The following FANK1 variants were observed in gnomAD, a reference collection of about 807,000 sequenced individuals.
FANK1 encodes fibronectin type III and ankyrin repeat domains 1.
In FANK1, 44 loss-of-function variants were observed where a neutral mutation model predicts 45.3. The observed-to-expected ratio is 0.97, with a 90% CI of 0.76 to 1.25. FANK1 has a LOEUF of 1.25. Ranked by LOEUF, FANK1 falls within the 50% of genes most tolerant of loss-of-function variation. The pLI, the probability that FANK1 is intolerant of heterozygous loss-of-function variation, is 0.00. For missense variants in FANK1, 391 were observed against 424.4 expected (o/e 0.92, Z 0.69); for synonymous variants, 149 against 152.5 (o/e 0.98, Z 0.17).
rs144162279 is a variant in FANK1 at position 125,953,917 on chromosome 10, C to T, written c.14-26244C>T. 5.6e-4 allele frequency among the ~76,000 whole-genome samples: 85 copies of T among 152,226 alleles called. 1 individual carries two copies. Among genetic ancestry groups the T allele is most frequent in the Non-Finnish European group, 8.4e-4 (57 of 68,020 alleles). ...ATCTTTTGGAAGTAAAGCTCAGAGTCGCAAAGAAAATGAGCACTTAAAGGA... is the reference window on the plus strand; with the variant it reads ...ATCTTTTGGAAGTAAAGCTCAGAGTTGCAAAGAAAATGAGCACTTAAAGGA... On this transcript the variant is annotated intron_variant, in intron 1 of 10. Transcript: ENST00000368693.
At chr10:125,952,454 C>A (rs1949300522) in intron 1 of FANK1, among the ~76,000 whole-genome samples, 1 of 152,038 alleles carries the variant, frequency 6.6e-6, no homozygotes, top group Non-Finnish European at 1.5e-5. Flanking sequence ...CAGATTTCAT[C>A]TGAATAAAGC....
At chr10:125,898,779 A>C (rs1413597409) in intron 1 of FANK1, among the ~76,000 whole-genome samples, 1 of 152,198 alleles carries the variant, frequency 6.6e-6, no homozygotes, top group East Asian at 1.9e-4. Context: ...TTTGAGGTGG[A>C]AAATATTTAA....
intron 1 of FANK1, among the ~76,000 whole-genome samples, chr10:125,970,565 C>T (rs145133638): frequency 0.012 from 1,833 of 152,316 alleles, 28 homozygotes; most frequent in African/African-American, 0.041. Context: ...GCAATCCCGG[C>T]GCCTCGGGAG....
chr10:125,990,596 G>A (rs1022643497), intron 3 of FANK1, among the ~76,000 whole-genome samples: 1 of 152,158 alleles, frequency 6.6e-6, no homozygotes, highest in African/African-American at 2.4e-5. Flanking sequence ...GCCTTCCATT[G>A]TGGGCTTCAG....
chr10:125,976,282 A>T (rs75226794), intron 1 of FANK1, among the ~76,000 whole-genome samples: 2,693 of 152,248 alleles, frequency 0.018, 87 homozygotes, highest in East Asian at 0.14. Flanking sequence ...CCTGACAATT[A>T]TGTGTCTTGA....
chr10:126,000,852 A>G (rs893234455), intron 6 of FANK1, among the ~76,000 whole-genome samples: 1 of 152,212 alleles, frequency 6.6e-6, no homozygotes, highest in Non-Finnish European at 1.5e-5. Context: ...GCCTCCACAC[A>G]CAGTAGAAAA....
At chr10:125,986,712 C>A (rs1951582973) in intron 2 of FANK1, among the ~76,000 whole-genome samples, 2 of 152,320 alleles carry the variant, frequency 1.3e-5, no homozygotes, top group South Asian at 4.1e-4. Flanking sequence ...ATCAGAGATA[C>A]CTCAACCAGA....
chr10:125,957,846 A>G (rs571319857), intron 1 of FANK1, among the ~76,000 whole-genome samples: 2 of 152,128 alleles, frequency 1.3e-5, no homozygotes, highest in South Asian at 2.1e-4. Context: ...TTTTAAAGAT[A>G]ATGTCACTAG....
At chr10:125,925,917 T>G (rs1285312734) in intron 1 of FANK1, among the ~76,000 whole-genome samples, 1 of 152,240 alleles carries the variant, frequency 6.6e-6, no homozygotes, top group Non-Finnish European at 1.5e-5. Flanking sequence ...TTTGTCACTT[T>G]CTATTTATCC....
rs142716284 is a variant in FANK1, at chr10:125,919,195, ATTTTTTTTTTTT to A, written c.13+22557_13+22568del. ...AGTAAAATACTTCCAGGAGGTAAGA[ATTTTTTTTTTTT>A]TTTTTTTTTTTTTTTTGTGACAGAG... On this transcript the variant is annotated intron_variant, in intron 1 of 10. Coordinates refer to ENST00000368693, the MANE Select transcript of FANK1 (RefSeq NM_145235.5). Among the ~76,000 whole-genome samples, 331 of 51,450 alleles carry A rather than the reference ATTTTTTTTTTTT, an allele frequency of 6.4e-3. 2 individuals are homozygous for A. Among genetic ancestry groups the A allele is most frequent in the African/African-American group, 0.013 (168 of 12,668 alleles). 33.8% of individuals were successfully genotyped at this position (51,450 alleles called of 152,430 possible).
chr10:125,914,293 T>TATATATATATATATA, intron 1 of FANK1, among the ~76,000 whole-genome samples: 1 of 74,672 alleles, frequency 1.3e-5, no homozygotes, highest in African/African-American at 6.1e-5. Flanking sequence ...ATATATATAT[T>TATATATATATATATA]TAAAAAGTCT....
chr10:125,972,704 T>C (rs898453821), intron 1 of FANK1: 4 of 152,292 alleles, frequency 2.6e-5, no homozygotes, highest in Admixed American at 2.6e-4. Flanking sequence ...GTAAAGAAGA[T>C]GCAGGAACAT....
intron 1 of FANK1, among the ~76,000 whole-genome samples, chr10:125,914,872 G>A (rs1475814135): frequency 1.3e-5 from 2 of 151,892 alleles, no homozygotes; most frequent in African/African-American, 4.8e-5. Flanking sequence ...TAGGTGCGGA[G>A]GGGATGACTT....
At chr10:125,906,752 T>C (rs1264802397) in intron 1 of FANK1, among the ~76,000 whole-genome samples, 1 of 152,194 alleles carries the variant, frequency 6.6e-6, no homozygotes, top group Non-Finnish European at 1.5e-5. Flanking sequence ...TTGCTTCCTT[T>C]TCCTACTGAT....
chr10:125,964,143 T>C (rs1041054092), intron 1 of FANK1, among the ~76,000 whole-genome samples: 11 of 151,800 alleles, frequency 7.2e-5, no homozygotes, highest in Non-Finnish European at 1.6e-4. Context: ...GTCTGTGATA[T>C]AGTTTTAATC....
chr10:125,933,303 A>G (rs1947871225), intron 1 of FANK1, among the ~76,000 whole-genome samples: 1 of 151,944 alleles, frequency 6.6e-6, no homozygotes, highest in African/African-American at 2.4e-5. Context: ...TACCATTTCA[A>G]TCTTGCTGCT....
chr10:125,996,615 G>GAT lies in FANK1; in HGVS notation c.466_467dup (p.Arg158ProfsTer4). ...GCTCTGATGGTTGCTGCCCAGAAAG[G>GAT]ATACACCAGGTATGGCTCTTCTTTT... On this transcript the variant is annotated frameshift_variant, in exon 5 of 11. Transcript: ENST00000368693. LOFTEE classifies it high-confidence loss of function. 6.2e-7 allele frequency: 1 copy of GAT among 1,614,060 alleles called. No homozygotes were observed. Among genetic ancestry groups the GAT allele is most frequent in the Non-Finnish European group, 8.5e-7 (1 of 1,179,956 alleles).
intron 3 of FANK1, among the ~76,000 whole-genome samples, chr10:125,992,017 T>A (rs906145826): frequency 2.0e-5 from 3 of 152,180 alleles, no homozygotes; most frequent in African/African-American, 7.2e-5. Context: ...ATGGGCAGAA[T>A]CAGTTTGATA....
At chr10:125,984,437 T>C (rs73370528) in intron 2 of FANK1, among the ~76,000 whole-genome samples, 2,683 of 152,282 alleles carry the variant, frequency 0.018, 74 homozygotes, top group African/African-American at 0.056. Context: ...GAGGGCACCT[T>C]GTGTCTCTGA....
Sources: gnomAD v4.1 joint callset for allele counts (sites outside exome capture counted in the v4.1 genomes callset) on GRCh38, gnomAD v4.1.1 for gene constraint, MANE v1.5 for transcripts, NCBI Gene and HGNC (gene_info 2026-07-23, HGNC 2026-07-21) for gene names.